The following CHIC2 variants were observed in gnomAD, a reference collection of about 807,000 sequenced individuals.
CHIC2 encodes cysteine rich hydrophobic domain 2.
Under a neutral mutation model 25.9 loss-of-function variants are expected in CHIC2, and 14 were observed. The ratio of observed to expected loss-of-function variants is 0.54; its 90% CI spans 0.36 to 0.85. CHIC2 has a LOEUF of 0.85. CHIC2 is among the 40% of genes least tolerant of loss of function. The pLI is 0.01. For synonymous variants in CHIC2, 70 were observed against 72.0 expected, an observed-to-expected ratio of 0.97 and a Z score of 0.14; for missense variants, 146 against 202.0, an observed-to-expected ratio of 0.72 and a Z score of 1.68.
intron 1 of CHIC2, chr4:54,061,277 A>T (rs1026978902): frequency 3.9e-5 from 6 of 152,162 alleles, no homozygotes; most frequent in African/African-American, 1.4e-4. Context: ...CACCACAATG[A>T]CATGCCAATC....
intron 3 of CHIC2, among the ~76,000 whole-genome samples, chr4:54,044,779 G>T (rs531999227): frequency 2.7e-5 from 4 of 147,748 alleles, no homozygotes; most frequent in Non-Finnish European, 4.5e-5. Context: ...CTAGCAGAAG[G>T]CAAGAAATAA....
the CHIC2 span, chr4:54,086,807 A>T: frequency 2.8e-6 from 1 of 358,810 alleles, no homozygotes; most frequent in Non-Finnish European, 5.1e-6. Context: ...AGAATCTTGG[A>T]TTGTATCTCC....
At chr4:54,060,338 G>C (rs1324170075) in intron 1 of CHIC2, 1 of 152,192 alleles carries the variant, frequency 6.6e-6, no homozygotes, top group East Asian at 1.9e-4. Context: ...TGAAGGATAA[G>C]GAATTATTTG....
chr4:54,085,421 A>G, the CHIC2 span, among the ~76,000 whole-genome samples: 1 of 152,218 alleles, frequency 6.6e-6, no homozygotes, highest in Non-Finnish European at 1.5e-5. Context: ...GTCTTGCTCA[A>G]TCAATTTTCA....
chr4:54,017,748 A>G (rs540014502), intron 3 of CHIC2, among the ~76,000 whole-genome samples: 5 of 152,308 alleles, frequency 3.3e-5, no homozygotes, highest in African/African-American at 1.2e-4. Context: ...CTGGTCTGGA[A>G]GTAGACAGCT....
chr4:54,022,258 T>G (rs1715922360), intron 3 of CHIC2, among the ~76,000 whole-genome samples: 1 of 152,168 alleles, frequency 6.6e-6, no homozygotes, highest in Admixed American at 6.5e-5. Flanking sequence ...TTCCCAGATC[T>G]TCTCAGCTTA....
chr4:54,017,332 A>G (rs953924429), intron 3 of CHIC2, among the ~76,000 whole-genome samples: 1 of 151,992 alleles, frequency 6.6e-6, no homozygotes, highest in Admixed American at 6.5e-5. Flanking sequence ...AACATGAAAC[A>G]AAGTACCAAA....
intron 3 of CHIC2, among the ~76,000 whole-genome samples, chr4:54,034,831 G>A (rs1716335731): frequency 1.3e-5 from 2 of 152,184 alleles, no homozygotes; most frequent in South Asian, 2.1e-4. Flanking sequence ...TAGAAGAAAT[G>A]CATTCAGACC....
chr4:54,042,158 T>C lies in CHIC2; in HGVS notation c.330+6797A>G, dbSNP rs184093542. Among the ~76,000 whole-genome samples the C allele has an allele frequency of 2.0e-5, 3 of 152,288 alleles. No individual in the cohort carries two copies. In the East Asian group the frequency reaches 5.8e-4, roughly 29 times the overall value. On this transcript the variant is annotated intron_variant, in intron 3 of 5. Coordinates refer to ENST00000263921, the MANE Select transcript of CHIC2 (RefSeq NM_012110.4). ...GTAATAGTTTACACCCAAGGACAGA[T>C]ATGTATGGCTTTTTTAAAAAGCAAG...
upstream of CHIC2, among the ~76,000 whole-genome samples, chr4:54,069,401 T>C (rs1717575823): frequency 6.6e-6 from 1 of 152,214 alleles, no homozygotes; most frequent in South Asian, 2.1e-4. Flanking sequence ...TGGAAGGGTC[T>C]TGGGTGCAGG....
intron 3 of CHIC2, among the ~76,000 whole-genome samples, chr4:54,014,353 G>C (rs1715682416): frequency 6.6e-6 from 1 of 151,930 alleles, no homozygotes; most frequent in Non-Finnish European, 1.5e-5. Context: ...ACTAGCCTCT[G>C]ATTTAAAACT....
At chr4:54,040,459 G>A (rs1716534726) in intron 3 of CHIC2, among the ~76,000 whole-genome samples, 1 of 151,966 alleles carries the variant, frequency 6.6e-6, no homozygotes, top group Non-Finnish European at 1.5e-5. Context: ...TCAGCACTTT[G>A]GGAGGCCGAA....
chr4:54,039,685 C>T (rs1008931805), intron 3 of CHIC2, among the ~76,000 whole-genome samples: 1 of 152,132 alleles, frequency 6.6e-6, no homozygotes, highest in East Asian at 1.9e-4. Context: ...CATTCACTTA[C>T]CATATAACCC....
chr4:54,036,843 C>T (rs1290390085), intron 3 of CHIC2, among the ~76,000 whole-genome samples: 2 of 150,820 alleles, frequency 1.3e-5, no homozygotes, highest in South Asian at 4.2e-4. Context: ...ATGACCAAGG[C>T]ATTCCACTCA....
intron 5 of CHIC2, among the ~76,000 whole-genome samples, chr4:54,011,946 T>C (rs935106714): frequency 1.8e-4 from 28 of 152,010 alleles, no homozygotes. Flanking sequence ...GAGGGACACA[T>C]GGTTAAAAAG....
intron 3 of CHIC2, among the ~76,000 whole-genome samples, chr4:54,047,331 T>C (rs1038743752): frequency 5.5e-4 from 83 of 152,166 alleles, no homozygotes; most frequent in Admixed American, 5.3e-3. Context: ...ATCATGCTGC[T>C]ATAAAGACAC....
chr4:54,076,174 A>C, the CHIC2 span, among the ~76,000 whole-genome samples: 1 of 152,040 alleles, frequency 6.6e-6, no homozygotes, highest in Admixed American at 6.6e-5. Context: ...CTGTAGTCCC[A>C]GTTATTTGGG....
chr4:54,067,919 T>TC (rs5858256), upstream of CHIC2, among the ~76,000 whole-genome samples: 38,509 of 144,384 alleles, frequency 0.27, 5,334 homozygotes, highest in Middle Eastern at 0.36. Context: ...CTGAATTTTG[T>TC]CCCCCCCCCC....
intron 3 of CHIC2, among the ~76,000 whole-genome samples, chr4:54,029,134 A>C (rs1007225944): frequency 2.0e-5 from 3 of 152,146 alleles, no homozygotes; most frequent in African/African-American, 7.2e-5. Flanking sequence ...AGAAAAAAAA[A>C]AAAAAACAAA....
Sources: allele counts gnomAD v4.1 joint callset (sites outside exome capture counted in the v4.1 genomes callset), GRCh38; gene constraint gnomAD v4.1.1; transcripts MANE v1.5; gene names NCBI Gene and HGNC (gene_info 2026-07-23, HGNC 2026-07-21).